LRP1B: variants seen among roughly 807,000 people sequenced by gnomAD.
LRP1B encodes low-density lipoprotein receptor-related protein 1B.
In LRP1B, 217 loss-of-function variants were observed where a neutral mutation model predicts 556.6. The observed-to-expected ratio is 0.39, with a 90% CI of 0.35 to 0.44. LRP1B has a LOEUF of 0.44. Ranked by LOEUF, LRP1B falls within the 20% of genes least tolerant of loss-of-function variation. LRP1B has a pLI of 1.00. For missense variants in LRP1B, 5,053 were observed against 5,620.8 expected, an observed-to-expected ratio of 0.90 and a Z score of 3.23; for synonymous variants, 2,047 against 1,865.8, an observed-to-expected ratio of 1.10 and a Z score of -2.50.
chr2:141,072,119 C>T (rs963258653), intron 7 of LRP1B, among the ~76,000 whole-genome samples: 11 of 152,076 alleles, frequency 7.2e-5, no homozygotes, highest in African/African-American at 2.7e-4. Context: ...TACCCCAACC[C>T]TTCTGATCTG....
intron 1 of LRP1B, among the ~76,000 whole-genome samples, chr2:141,906,286 T>C (rs1245382245): frequency 6.6e-6 from 1 of 151,840 alleles, no homozygotes; most frequent in East Asian, 1.9e-4. Flanking sequence ...AAACAATGCA[T>C]GATATAGACA....
At chr2:141,969,816 T>G (rs1701676716) in intron 1 of LRP1B, among the ~76,000 whole-genome samples, 1 of 151,638 alleles carries the variant, frequency 6.6e-6, no homozygotes, top group Non-Finnish European at 1.5e-5. Context: ...CTGTATCATA[T>G]AATTCTATTT....
intron 32 of LRP1B, among the ~76,000 whole-genome samples, chr2:140,792,098 C>A (rs957354169): frequency 6.6e-6 from 1 of 152,250 alleles, no homozygotes; most frequent in Admixed American, 6.5e-5. Context: ...TAATTCCCCC[C>A]ATATATTTCC....
intron 75 of LRP1B, among the ~76,000 whole-genome samples, chr2:140,354,543 A>T (rs1429707586): frequency 2.6e-5 from 4 of 152,040 alleles, no homozygotes; most frequent in Non-Finnish European, 4.4e-5. Context: ...AATATTTCTG[A>T]TTTGTTCAGC....
chr2:141,249,221 T>A (rs575303798), intron 4 of LRP1B, among the ~76,000 whole-genome samples: 6 of 152,118 alleles, frequency 3.9e-5, no homozygotes, highest in Admixed American at 2.0e-4. Flanking sequence ...AGAGGGATAT[T>A]TCTCACAGAG....
intron 1 of LRP1B, among the ~76,000 whole-genome samples, chr2:141,988,257 A>G (rs1272470983): frequency 6.6e-6 from 1 of 151,838 alleles, no homozygotes; most frequent in Non-Finnish European, 1.5e-5. Context: ...ATATCTAAGA[A>G]GTTTTGCTCT....
chr2:140,697,044 A>G (rs6749187), intron 41 of LRP1B, among the ~76,000 whole-genome samples: 30,505 of 151,904 alleles, frequency 0.2, 3,465 homozygotes, highest in African/African-American at 0.31. Context: ...AGAAGTACAG[A>G]GGAAACAAAC....
chr2:142,031,345 T>TGAAGAGAAAAAAATGACATA (rs1703698952), intron 1 of LRP1B, among the ~76,000 whole-genome samples: 18 of 140,090 alleles, frequency 1.3e-4, no homozygotes, highest in South Asian at 1.2e-3. Flanking sequence ...TTTTTTTTTT[T>TGAAGAGAAAAAAATGACATA]TTTATTATAC....
intron 2 of LRP1B, among the ~76,000 whole-genome samples, chr2:141,576,106 G>A (rs1559151253): frequency 6.6e-6 from 1 of 152,174 alleles, no homozygotes; most frequent in Non-Finnish European, 1.5e-5. Context: ...TATACCCAAA[G>A]GAATATAAGT....
intron 1 of LRP1B, among the ~76,000 whole-genome samples, chr2:141,885,539 G>A (rs886072560): frequency 1.3e-5 from 2 of 152,200 alleles, no homozygotes; most frequent in Non-Finnish European, 2.9e-5. Context: ...TTGAAGAGGT[G>A]CTGGCATGGT....
intron 7 of LRP1B, among the ~76,000 whole-genome samples, chr2:141,117,686 G>C (rs548376170): frequency 6.6e-6 from 1 of 152,070 alleles, no homozygotes; most frequent in South Asian, 2.1e-4. Flanking sequence ...ATAATTTCAA[G>C]AGGTAAAATT....
chr2:141,365,347 G>A (rs1045872911), intron 3 of LRP1B, among the ~76,000 whole-genome samples: 4 of 151,918 alleles, frequency 2.6e-5, no homozygotes, highest in African/African-American at 9.7e-5. Flanking sequence ...ACTGCATCCG[G>A]CTTTATCATG....
intron 67 of LRP1B, among the ~76,000 whole-genome samples, chr2:140,382,701 C>A (rs1438122048): frequency 6.6e-6 from 1 of 152,140 alleles, no homozygotes; most frequent in Non-Finnish European, 1.5e-5. Flanking sequence ...TTGAACTCTT[C>A]CCATATCTAT....
At chr2:140,725,266 G>C (rs1574285531) in intron 35 of LRP1B, among the ~76,000 whole-genome samples, 1 of 151,896 alleles carries the variant, frequency 6.6e-6, no homozygotes, top group Non-Finnish European at 1.5e-5. Flanking sequence ...CAATCATCAT[G>C]TTTCTTGACA....
In LRP1B at chr2:141,055,142, A is replaced by G; in HGVS notation, c.1526T>C (p.Leu509Ser). 2 of 1,612,192 alleles carry G rather than the reference A, an allele frequency of 1.2e-6. No individual in the cohort carries two copies. Among genetic ancestry groups the G allele is most frequent in the Non-Finnish European group, 1.7e-6 (2 of 1,178,944 alleles). ...RTCRCRTGFN[L>S]GSDGRSCKRP... ...TTTGCATGACCTGCCATCACTTCCC[A>G]AGTTGAAGCCAGTCCTGCAGCGACA... The change falls in exon 10 of 91, where the codon TTG (leucine) becomes TCG (serine). Residue 509 changes from leucine to serine, a missense_variant. By Grantham distance (145) the Leu-to-Ser change is moderately radical. Transcript: ENST00000389484.
intron 41 of LRP1B, among the ~76,000 whole-genome samples, chr2:140,670,810 A>G (rs892060981): frequency 6.6e-6 from 1 of 152,196 alleles, no homozygotes; most frequent in Non-Finnish European, 1.5e-5. Context: ...ACGACATATT[A>G]GGTTAAGGGG....
intron 3 of LRP1B, among the ~76,000 whole-genome samples, chr2:141,423,565 T>C (rs1680234256): frequency 6.6e-6 from 1 of 152,062 alleles, no homozygotes; most frequent in Non-Finnish European, 1.5e-5. Context: ...TTAGCTGCCA[T>C]AGATGAAAGT....
rs183109065 is a variant in LRP1B, at chr2:140,269,240, G to A, written c.13247+1002C>T. The A allele has an allele frequency of 4.0e-4, 186 of 469,880 alleles. 9 individuals carry two copies. Among genetic ancestry groups the A allele is most frequent in the East Asian group, 2.1e-3 (30 of 14,338 alleles). The allele number at this position is 469,880 out of a possible 1,614,324, so 29.1% of individuals were successfully genotyped here. ...GGCCTGAAATGATGTCACACGAAGC[G>A]CAGCGATAAGTGGAAGTTTAAACCT... On this transcript the variant is annotated intron_variant, in intron 86 of 90. Transcript: ENST00000389484.
chr2:140,677,822 G>C (rs1400789900), intron 41 of LRP1B, among the ~76,000 whole-genome samples: 1 of 149,132 alleles, frequency 6.7e-6, no homozygotes, highest in Non-Finnish European at 1.5e-5. Context: ...GTTGCAGTGA[G>C]CCGAGATCGT....
Sources: allele counts gnomAD v4.1 joint callset (sites outside exome capture counted in the v4.1 genomes callset), GRCh38; gene constraint gnomAD v4.1.1; transcripts MANE v1.5; gene names NCBI Gene and HGNC (gene_info 2026-07-23, HGNC 2026-07-21).